The following FHOD3 variants were observed in gnomAD, a reference collection of about 807,000 sequenced individuals.
FHOD3 encodes FH1/FH2 domain-containing protein 3.
A neutral mutation model predicts 173.0 loss-of-function variants in FHOD3; 90 were observed. The ratio of observed to expected loss-of-function variants is 0.52; its 90% CI spans 0.44 to 0.62. The LOEUF is 0.62. Ranked by LOEUF, FHOD3 falls within the 20% of genes least tolerant of loss-of-function variation. The pLI is 0.00. For synonymous variants in FHOD3, 828 were observed against 823.0 expected, an observed-to-expected ratio of 1.01 and a Z score of -0.10; for missense variants, 1,945 against 2,034.7, an observed-to-expected ratio of 0.96 and a Z score of 0.85.
intron 1 of FHOD3, among the ~76,000 whole-genome samples, chr18:36,335,282 T>G (rs1458249982): frequency 6.6e-6 from 1 of 151,312 alleles, no homozygotes; most frequent in Non-Finnish European, 1.5e-5. Flanking sequence ...GATCACGAGG[T>G]CAGGAGATCG....
At chr18:36,398,789 A>G (rs935324597) in intron 3 of FHOD3, among the ~76,000 whole-genome samples, 1 of 152,148 alleles carries the variant, frequency 6.6e-6, no homozygotes, top group African/African-American at 2.4e-5. Flanking sequence ...CCTATTTTCC[A>G]TGATGCAGGT....
At chr18:36,494,010 C>T (rs1408494885) in intron 3 of FHOD3, among the ~76,000 whole-genome samples, 4 of 152,142 alleles carry the variant, frequency 2.6e-5, no homozygotes, top group Admixed American at 1.3e-4. Flanking sequence ...TCTTTCACTC[C>T]CCTACTTCCG....
intron 3 of FHOD3, among the ~76,000 whole-genome samples, chr18:36,380,652 C>A (rs1467198181): frequency 5.5e-5 from 7 of 126,758 alleles, no homozygotes; most frequent in African/African-American, 2.1e-4. Context: ...CTCTGTATCT[C>A]TTTCTTTCTT....
intron 3 of FHOD3, among the ~76,000 whole-genome samples, chr18:36,375,820 G>A (rs11665126): frequency 6.6e-6 from 1 of 151,988 alleles, no homozygotes; most frequent in Non-Finnish European, 1.5e-5. Context: ...TTTTGGTATA[G>A]AGAGAGGCCT....
At chr18:36,327,323 T>C (rs2044721718) in intron 1 of FHOD3, among the ~76,000 whole-genome samples, 1 of 152,258 alleles carries the variant, frequency 6.6e-6, no homozygotes, top group South Asian at 2.1e-4. Flanking sequence ...ATCTAGATGA[T>C]GCTTGGAATG....
chr18:36,512,594 G>A (rs777887024), intron 5 of FHOD3, 51 bp downstream of exon 5: 6 of 1,345,610 alleles, frequency 4.5e-6, no homozygotes, highest in Admixed American at 1.7e-5. Context: ...GGGGGGATCT[G>A]GGTTCACCTT....
intron 19 of FHOD3, among the ~76,000 whole-genome samples, chr18:36,726,025 ATTTT>A (rs574985668): frequency 6.6e-6 from 1 of 150,810 alleles, no homozygotes; most frequent in East Asian, 1.9e-4. Flanking sequence ...CACTTTAGAC[ATTTT>A]TTTTTCTAAC....
At chr18:36,741,303 TGAG>T (rs1363037503) in intron 21 of FHOD3, among the ~76,000 whole-genome samples, 1 of 152,078 alleles carries the variant, frequency 6.6e-6, no homozygotes, top group Non-Finnish European at 1.5e-5. Flanking sequence ...GGAGAAAGCT[TGAG>T]GAGGCTCCTC....
intron 14 of FHOD3, among the ~76,000 whole-genome samples, chr18:36,674,116 C>G (rs564570927): frequency 6.6e-6 from 1 of 152,298 alleles, no homozygotes; most frequent in African/African-American, 2.4e-5. Flanking sequence ...GTCAAAAATT[C>G]TGATACTGGG....
At chr18:36,315,433 C>A (rs1372483410) in intron 1 of FHOD3, among the ~76,000 whole-genome samples, 1 of 152,018 alleles carries the variant, frequency 6.6e-6, no homozygotes, top group African/African-American at 2.4e-5. Context: ...GATATGACAC[C>A]CTCACCCCGA....
chr18:36,542,958 G>A (rs1454377337), intron 5 of FHOD3, among the ~76,000 whole-genome samples: 1 of 152,156 alleles, frequency 6.6e-6, no homozygotes, highest in Non-Finnish European at 1.5e-5. Context: ...AAATATTTCT[G>A]TGGGGGTGTT....
chr18:36,631,605 A>G lies in FHOD3; in HGVS notation c.1196+5856A>G, dbSNP rs187214739. On this transcript the variant is annotated intron_variant, in intron 10 of 28. Transcript: ENST00000590592. ...CAAGTGTACAAACTCCATTTTTGCT[A>G]TTATGTCACGATATAGGTACTGTAA... 6.6e-5 allele frequency among the ~76,000 whole-genome samples: 10 copies of G among 152,234 alleles called. No homozygotes were observed. In the South Asian group the frequency reaches 1.7e-3, roughly 25 times the overall value.
intron 13 of FHOD3, among the ~76,000 whole-genome samples, chr18:36,654,850 GT>G (rs202189677): frequency 1.3e-5 from 2 of 152,112 alleles, no homozygotes. Context: ...CTGCTCAAGA[GT>G]TTTTTTTCTT....
Position 36,437,441 on chromosome 18 carries a change from T to G in FHOD3, c.338-64491T>G, listed in dbSNP as rs535768788. Among the ~76,000 whole-genome samples, 290 of 152,344 alleles carry G rather than the reference T, an allele frequency of 1.9e-3. 3 individuals carry two copies. Among genetic ancestry groups the G allele is most frequent in the African/African-American group, 6.5e-3 (272 of 41,588 alleles). ...TTGTATTGTCTAATTCTTTCCTTTTTCTGCAAGTTATATATTTTCAGATTA... is the reference window on the plus strand; with the variant it reads ...TTGTATTGTCTAATTCTTTCCTTTTGCTGCAAGTTATATATTTTCAGATTA... On this transcript the variant is annotated intron_variant, in intron 3 of 28. Transcript: ENST00000590592.
At chr18:36,697,147 A>G (rs2039331176) in intron 17 of FHOD3, among the ~76,000 whole-genome samples, 1 of 152,250 alleles carries the variant, frequency 6.6e-6, no homozygotes, top group African/African-American at 2.4e-5. Context: ...CAAGATAGCC[A>G]GATAACCTCT....
chr18:36,303,397 G>A (rs749496684), intron 1 of FHOD3, among the ~76,000 whole-genome samples: 21 of 152,162 alleles, frequency 1.4e-4, no homozygotes, highest in Non-Finnish European at 2.8e-4. Context: ...GCATGCGGCT[G>A]CCTGTCACAG....
At chr18:36,421,730 G>A (rs1412712756) in intron 3 of FHOD3, among the ~76,000 whole-genome samples, 1 of 152,166 alleles carries the variant, frequency 6.6e-6, no homozygotes, top group Non-Finnish European at 1.5e-5. Flanking sequence ...ATCCAGCTGG[G>A]ACTGCCATGA....
At chr18:36,597,296 C>A (rs370516707) in intron 7 of FHOD3, among the ~76,000 whole-genome samples, 1 of 152,190 alleles carries the variant, frequency 6.6e-6, no homozygotes, top group Admixed American at 6.5e-5. Flanking sequence ...CAGAGATTCT[C>A]GTCTGTCAGA....
intron 8 of FHOD3, among the ~76,000 whole-genome samples, chr18:36,603,459 G>C (rs1458290057): frequency 6.6e-6 from 1 of 151,732 alleles, no homozygotes; most frequent in Admixed American, 6.6e-5. Context: ...TTTTATGACT[G>C]CTTTTCCTAT....
Sources: allele counts gnomAD v4.1 joint callset (sites outside exome capture counted in the v4.1 genomes callset), GRCh38; gene constraint gnomAD v4.1.1; transcripts MANE v1.5; gene names NCBI Gene and HGNC (gene_info 2026-07-23, HGNC 2026-07-21).